PCDHGA10: variants seen among roughly 807,000 people sequenced by gnomAD.
PCDHGA10 encodes protocadherin gamma subfamily A, 10, also known as protocadherin gamma-A10.
In PCDHGA10, 42 loss-of-function variants were observed where a neutral mutation model predicts 59.5. The ratio of observed to expected loss-of-function variants is 0.71; its 90% CI spans 0.55 to 0.91. PCDHGA10 has a LOEUF of 0.91. PCDHGA10 is among the 40% of genes least tolerant of loss of function. The pLI is 0.00. For synonymous variants in PCDHGA10, 511 were observed against 517.2 expected (o/e 0.99, Z 0.16); for missense variants, 1,111 against 1,198.2 (o/e 0.93, Z 1.07).
chr5:141,426,756 G>A, intron 1 of PCDHGA10: 1 of 456,302 alleles, frequency 2.2e-6, no homozygotes. Context: ...ATCTGCTATA[G>A]ATGCAGATGT....
At chr5:141,434,807 A>G (rs2097718601) in intron 1 of PCDHGA10, among the ~76,000 whole-genome samples, 1 of 152,016 alleles carries the variant, frequency 6.6e-6, no homozygotes, top group South Asian at 2.1e-4. Context: ...AGCTTGGAGA[A>G]ATATATCCCT....
At chr5:141,510,816 A>G (rs1478938067) in intron 3 of PCDHGA10, 131 bp from the exon 4 acceptor site, 2 of 1,547,282 alleles carry the variant, frequency 1.3e-6, no homozygotes, top group Non-Finnish European at 1.8e-6. Context: ...GGTGACCCCT[A>G]TATTCCCAGT....
In PCDHGA10 at chr5:141,486,936, A is replaced by G; in HGVS notation, c.2437-7871A>G. 2 of 1,614,184 alleles carry G rather than the reference A, an allele frequency of 1.2e-6. No individual in the cohort carries two copies. Among genetic ancestry groups the G allele is most frequent in the Non-Finnish European group, 1.7e-6 (2 of 1,180,030 alleles). On this transcript the variant is annotated intron_variant, in intron 1 of 3. Transcript: ENST00000398610. This position sits in a 1 kb window ranked among gnomAD's most constrained non-coding sequence, Gnocchi z 5.0. ...CTGCCTCCATCAGTTGGTGCTGGCC[A>G]CCTAATCACAAAGGTGACTGCTGTG...
At position 141,431,260 on chromosome 5, in the gene PCDHGA10, G is replaced by A. The variant is rs762250032; in HGVS notation, c.2436+15649G>A. The A allele has an allele frequency of 6.2e-7, 1 of 1,614,170 alleles. No individual in the cohort carries two copies. The highest frequency in any genetic ancestry group is 2.2e-5 in the East Asian group (1 of 44,892). On this transcript the variant is annotated intron_variant, in intron 1 of 3. Coordinates refer to ENST00000398610, the MANE Select transcript of PCDHGA10 (RefSeq NM_018913.3). The surrounding 1 kb of genome is among the most constrained non-coding windows in gnomAD (Gnocchi z 4.8). The stretch of plus-strand genomic sequence containing the variant: ...ATCCGGATATCGGGAAGAACTCTCT[G>A]CAGAGCTACGAGCTCAGCCCGAACA...
intron 1 of PCDHGA10, among the ~76,000 whole-genome samples, chr5:141,467,903 C>G (rs1256664266): frequency 6.6e-6 from 1 of 152,156 alleles, no homozygotes. Context: ...AAGAAATCCG[C>G]CCACCTCAGC....
Position 141,485,626 on chromosome 5 carries a change from T to A in PCDHGA10, c.2437-9181T>A, listed in dbSNP as rs2099616815. 6.2e-7 allele frequency: 1 copy of A among 1,611,740 alleles called. No individual in the cohort carries two copies. On this transcript the variant is annotated intron_variant, in intron 1 of 3. Coordinates refer to ENST00000398610, the MANE Select transcript of PCDHGA10 (RefSeq NM_018913.3). This position sits in a 1 kb window ranked among gnomAD's most constrained non-coding sequence, Gnocchi z 5.7. Reference sequence around the variant, plus strand: ...GGGAGGCAGCTCCTCCAGGACAGCGTTTCCCGTTGGAAAAGGCTCAGGATG... The same window carrying A: ...GGGAGGCAGCTCCTCCAGGACAGCGATTCCCGTTGGAAAAGGCTCAGGATG...
chr5:141,459,171 A>G (rs2098962477), intron 1 of PCDHGA10, among the ~76,000 whole-genome samples: 1 of 152,180 alleles, frequency 6.6e-6, no homozygotes, highest in Non-Finnish European at 1.5e-5. Flanking sequence ...ATAACCTTCA[A>G]AAGTTCCCTC....
chr5:141,494,173 G>C (rs554811420), intron 1 of PCDHGA10, among the ~76,000 whole-genome samples: 2 of 152,304 alleles, frequency 1.3e-5, no homozygotes, highest in South Asian at 2.1e-4. Flanking sequence ...CTAGGGGTGA[G>C]AAGTGTCCCG....
At position 141,511,247 on chromosome 5, in the gene PCDHGA10, C is replaced by A; in HGVS notation, c.*74C>A. The A allele has an allele frequency of 1.3e-6, 2 of 1,577,162 alleles. No individual in the cohort carries two copies. The highest frequency in any genetic ancestry group is 1.7e-6 in the Non-Finnish European group (2 of 1,161,712). On this transcript the variant is annotated 3_prime_UTR_variant, in exon 4 of 4. Transcript: ENST00000398610. Reference sequence around the variant, plus strand: ...CAGCTTCTCCTTACCTGCACCCAGGCCTCAGAGTTTCAGGGCTAACCCCCA... The same window carrying A: ...CAGCTTCTCCTTACCTGCACCCAGGACTCAGAGTTTCAGGGCTAACCCCCA...
intron 2 of PCDHGA10, among the ~76,000 whole-genome samples, chr5:141,501,290 TACACACACACACACACACACACAC>T (rs55762287): frequency 7.3e-6 from 1 of 136,162 alleles, no homozygotes; most frequent in African/African-American, 2.7e-5. Flanking sequence ...TATTCCCTTA[TACACACACACACACACACACACAC>T]ACACACACAC....
At chr5:141,436,764 A>G (rs1248797699) in intron 1 of PCDHGA10, among the ~76,000 whole-genome samples, 1 of 152,214 alleles carries the variant, frequency 6.6e-6, no homozygotes, top group East Asian at 1.9e-4. Flanking sequence ...GGTATAATGG[A>G]ATGATTTGTG....
chr5:141,439,673 C>G (rs1468476569), intron 1 of PCDHGA10, among the ~76,000 whole-genome samples: 1 of 152,174 alleles, frequency 6.6e-6, no homozygotes, highest in Non-Finnish European at 1.5e-5. Flanking sequence ...AATGCAAATC[C>G]AAGAGCAGAC....
In PCDHGA10 at chr5:141,432,373, G is replaced by T; in HGVS notation, c.2436+16762G>T. ...TGAAAGTGATGGCGCGGGACAACGG[G>T]CACCCGCCCCTCAGCAGCAACGTGT... is the stretch of plus-strand genomic sequence containing the variant. On this transcript the variant is annotated intron_variant, in intron 1 of 3. Coordinates refer to ENST00000398610, the MANE Select transcript of PCDHGA10 (RefSeq NM_018913.3). This position sits in a 1 kb window ranked among gnomAD's most constrained non-coding sequence, Gnocchi z 6.0. The T allele has an allele frequency of 6.2e-7, 1 of 1,614,206 alleles. No homozygotes were observed. The highest frequency in any genetic ancestry group is 1.1e-5 in the South Asian group (1 of 91,082).
chr5:141,420,030 G>A (rs1269646706), intron 1 of PCDHGA10: 1 of 1,613,940 alleles, frequency 6.2e-7, no homozygotes, highest in Non-Finnish European at 8.5e-7. Flanking sequence ...CCTACTGCAG[G>A]AGACTGCTTT....
Position 141,487,265 on chromosome 5 carries a change from G to C in PCDHGA10, c.2437-7542G>C, listed in dbSNP as rs144347539. 6,978 of 1,614,152 alleles carry C rather than the reference G, an allele frequency of 4.3e-3. 28 individuals carry two copies. Among genetic ancestry groups the C allele is most frequent in the Non-Finnish European group, 4.9e-3 (5,770 of 1,180,028 alleles). ...AACCCTCTACTTGGCTGTGTCCCTA[G>C]TGGCAATTTGCTTTGTCTCCTTTGG... On this transcript the variant is annotated intron_variant, in intron 1 of 3. Coordinates refer to ENST00000398610, the MANE Select transcript of PCDHGA10 (RefSeq NM_018913.3). This position sits in a 1 kb window ranked among gnomAD's most constrained non-coding sequence, Gnocchi z 5.0.
intron 1 of PCDHGA10, chr5:141,423,967 A>T (rs760284844): frequency 5.2e-6 from 6 of 1,153,616 alleles, no homozygotes; most frequent in Non-Finnish European, 6.5e-6. Context: ...TTTTTCTATT[A>T]TCAGTGTATG....
At chr5:141,456,897 A>G (rs1351271896) in intron 1 of PCDHGA10, among the ~76,000 whole-genome samples, 2 of 152,178 alleles carry the variant, frequency 1.3e-5, no homozygotes, top group Admixed American at 1.3e-4. Context: ...CGGGAGGCAG[A>G]GGTTGCAGTG....
At chr5:141,445,118 G>A (rs964726987) in intron 1 of PCDHGA10, among the ~76,000 whole-genome samples, 1 of 152,148 alleles carries the variant, frequency 6.6e-6, no homozygotes, top group Non-Finnish European at 1.5e-5. Flanking sequence ...ATTGTAAATA[G>A]TATTTTTAAA....
Position 141,489,680 on chromosome 5 carries a change from C to T in PCDHGA10, c.2437-5127C>T, listed in dbSNP as rs758765306. On this transcript the variant is annotated intron_variant, in intron 1 of 3. Coordinates refer to ENST00000398610, the MANE Select transcript of PCDHGA10 (RefSeq NM_018913.3). This position sits in a 1 kb window ranked among gnomAD's most constrained non-coding sequence, Gnocchi z 4.5. ...GAGATGCGCATCTCAGAATCAGCAG[C>T]ATCTGGGGCACGATTCCCACTGGAC... 2 of 1,614,070 alleles carry T rather than the reference C, an allele frequency of 1.2e-6. No individual in the cohort carries two copies. The highest frequency in any genetic ancestry group is 2.2e-5 in the East Asian group (1 of 44,886).
Sources: gnomAD v4.1 joint callset for allele counts (sites outside exome capture counted in the v4.1 genomes callset) on GRCh38, gnomAD v4.1.1 for gene constraint, Gnocchi (gnomAD v3.1) non-coding constraint, MANE v1.5 for transcripts, NCBI Gene and HGNC (gene_info 2026-07-23, HGNC 2026-07-21) for gene names.